Variants in SEC22C observed in about 807,000 individuals in gnomAD.
SEC22C encodes the protein vesicle-trafficking protein SEC22c.
In SEC22C, 29 loss-of-function variants were observed where a neutral mutation model predicts 34.7. The observed-to-expected ratio is 0.84, with a 90% confidence interval of 0.62 to 1.14. The LOEUF (loss-of-function observed/expected upper bound fraction) is 1.14. Ranked by LOEUF, SEC22C falls within the 50% of genes most tolerant of loss-of-function variation. The pLI, the probability that SEC22C is intolerant of heterozygous loss-of-function variation, is 0.00. For synonymous variants in SEC22C, 117 were observed against 132.8 expected, an observed-to-expected ratio of 0.88 and a Z score of 0.82; for missense variants, 337 against 369.0, an observed-to-expected ratio of 0.91 and a Z score of 0.71.
At chr3:42,569,859 C>A (rs191888508) in intron 1 of SEC22C, among the ~76,000 whole-genome samples, 2 of 152,168 alleles carry the variant, frequency 1.3e-5, no homozygotes, top group Admixed American at 1.3e-4. Flanking sequence ...CAGGCCTGCA[C>A]CATTTCTGCT....
chr3:42,557,555 T>TC (rs1702599708), intron 5 of SEC22C, 23 bp downstream of exon 5: 3 of 1,206,204 alleles, frequency 2.5e-6, no homozygotes, highest in Non-Finnish European at 3.5e-6. Flanking sequence ...TTTAAACTGT[T>TC]TTAAAAAAAA....
chr3:42,567,971 C>T (rs1210164783), intron 2 of SEC22C, among the ~76,000 whole-genome samples: 1 of 152,074 alleles, frequency 6.6e-6, no homozygotes, highest in Admixed American at 6.5e-5. Context: ...GCTCAGGAGG[C>T]TGAAGCAGAA....
In SEC22C at chr3:42,552,334, C is replaced by T. The variant is rs2125692750; in HGVS notation, c.*914G>A. ...TAGTCATCATCATTAAAACAACAGG[C>T]ACTCAGCTCTACTGAAAAGGCTGAT... On this transcript the variant is annotated 3_prime_UTR_variant, in exon 7 of 7. Transcript: ENST00000264454. 1.0e-6 allele frequency: 1 copy of T among 985,338 alleles called. No homozygotes were observed. The highest frequency in any genetic ancestry group is 1.2e-6 in the Non-Finnish European group (1 of 829,888). 61.0% of individuals were successfully genotyped at this position (985,338 alleles called of 1,614,324 possible). A position where few individuals can be genotyped will look rare whatever the true frequency, so the allele number is the denominator to read the frequency against.
chr3:42,590,202 C>T (rs1222027484), intron 1 of SEC22C, among the ~76,000 whole-genome samples: 5 of 152,208 alleles, frequency 3.3e-5, no homozygotes, highest in African/African-American at 1.2e-4. Context: ...TTTTCCTGGC[C>T]TGCAGATTTG....
In SEC22C at chr3:42,553,302, T is replaced by C. The variant is rs771219627; in HGVS notation, c.858A>G (p.Ser286=). ...GAAGCTGCCTTGTTAGTATCTGATATGAAGACAGAAAAGCCACTCCTATGT... is the reference window on the plus strand; with the variant it reads ...GAAGCTGCCTTGTTAGTATCTGATACGAAGACAGAAAAGCCACTCCTATGT... ...LFHIGVAFLS[S]YQILTRQLQE... Residue 286 remains serine, a synonymous_variant, in exon 7 of 7, where the codon TCA becomes TCG. Coordinates refer to ENST00000264454, the MANE Select transcript of SEC22C (RefSeq NM_032970.4). 2.5e-6 allele frequency: 4 copies of C among 1,614,154 alleles called. No homozygotes were observed. Among genetic ancestry groups the C allele is most frequent in the South Asian group, 1.1e-5 (1 of 91,084 alleles).
chr3:42,563,403 A>G, intron 3 of SEC22C, 120 bp downstream of exon 3: 1 of 762,534 alleles, frequency 1.3e-6, no homozygotes, highest in East Asian at 2.6e-5. Flanking sequence ...TCTGTTCTTC[A>G]ATGACATGTT....
chr3:42,551,216 T>G lies in SEC22C; in HGVS notation c.*2032A>C. On this transcript the variant is annotated 3_prime_UTR_variant, in exon 7 of 7. Transcript: ENST00000264454. ...TAACTTCCCATTCTATTTCACCATC[T>G]CTTCAAAATTGTCTCCCAGAAAAAC... The G allele has an allele frequency of 1.0e-6, 1 of 985,428 alleles. No individual in the cohort carries two copies. The highest frequency in any genetic ancestry group is 1.2e-6 in the Non-Finnish European group (1 of 829,928). 61.0% of individuals were successfully genotyped at this position (985,428 alleles called of 1,614,324 possible).
intron 2 of SEC22C, chr3:42,564,161 C>A: frequency 3.2e-6 from 1 of 315,606 alleles, no homozygotes; most frequent in South Asian, 2.9e-5. Context: ...GCAAATAAGA[C>A]TGGCCTATAA....
chr3:42,561,296 T>C lies in SEC22C; in HGVS notation c.347A>G (p.Asp116Gly). Residue 116 changes from aspartate to glycine, a missense_variant and splice_region_variant, in exon 4 of 7, where the codon GAC becomes GGC. Coordinates refer to ENST00000264454, the MANE Select transcript of SEC22C (RefSeq NM_032970.4). ...ASRPYAFLEFDSIIQKVKWHF... is the reference protein window; with the variant it reads ...ASRPYAFLEFGSIIQKVKWHF... Reference sequence around the variant, plus strand: ...CCACTTCACTTTCTGAATGATGCTGTCTGCAAAAAGAGAGCAACACAAGTT... The same window carrying C: ...CCACTTCACTTTCTGAATGATGCTGCCTGCAAAAAGAGAGCAACACAAGTT... 2 of 1,613,868 alleles carry C rather than the reference T, an allele frequency of 1.2e-6. No individual in the cohort carries two copies. The highest frequency in any genetic ancestry group is 8.5e-7 in the Non-Finnish European group (1 of 1,179,844).
chr3:42,584,066 T>C (rs1042983892), upstream of SEC22C, among the ~76,000 whole-genome samples: 9 of 152,206 alleles, frequency 5.9e-5, no homozygotes, highest in African/African-American at 2.2e-4. Flanking sequence ...ATTGTGGGAC[T>C]TCTCAGCCTC....
chr3:42,578,072 A>C (rs898124460), intron 1 of SEC22C, among the ~76,000 whole-genome samples: 10 of 152,244 alleles, frequency 6.6e-5, no homozygotes, highest in Admixed American at 3.3e-4. Flanking sequence ...TTTATCCCAG[A>C]GAAATAAAAA....
chr3:42,551,576 G>A lies in SEC22C; in HGVS notation c.*1672C>T, dbSNP rs1228886981. On this transcript the variant is annotated 3_prime_UTR_variant, in exon 7 of 7. Transcript: ENST00000264454. ...TGGTCTCAAACTACTGGCCTCAACC[G>A]AGTCTCCTGCTTTGGCCTTCCAAAG... The A allele has an allele frequency of 1.6e-6, 1 of 617,274 alleles. No homozygotes were observed. The allele number at this position is 617,274 out of a possible 1,614,324, so 38.2% of individuals were successfully genotyped here. A position where few individuals can be genotyped will look rare whatever the true frequency, so the allele number is the denominator to read the frequency against.
At chr3:42,566,434 T>A (rs1040309914) in intron 2 of SEC22C, among the ~76,000 whole-genome samples, 1 of 152,114 alleles carries the variant, frequency 6.6e-6, no homozygotes, top group Non-Finnish European at 1.5e-5. Context: ...CCCAGCACTT[T>A]GGGAGGCCGA....
chr3:42,588,809 C>T (rs912426635), intron 1 of SEC22C, among the ~76,000 whole-genome samples: 2 of 152,082 alleles, frequency 1.3e-5, no homozygotes, highest in African/African-American at 4.8e-5. Flanking sequence ...CTGATGTTTC[C>T]TTTTCTGCCC....
In SEC22C at chr3:42,553,334, G is replaced by A. The variant is rs1295589873; in HGVS notation, c.826C>T (p.Leu276Phe). Residue 276 changes from leucine to phenylalanine, a missense_variant, in exon 7 of 7, where the codon CTT (leucine) becomes TTT (phenylalanine). Leu to Phe is a conservative substitution (Grantham distance 22). Coordinates refer to ENST00000264454, the MANE Select transcript of SEC22C (RefSeq NM_032970.4). ...LHGLRNLWQI[L>F]FHIGVAFLSS... is the part of the protein sequence containing the mutation. ...AGAAAAGCCACTCCTATGTGGAAAA[G>A]GATTTGCCAGAGGTTCCTCAGCCCG... 6.2e-7 allele frequency: 1 copy of A among 1,614,168 alleles called. No homozygotes were observed. Among genetic ancestry groups the A allele is most frequent in the South Asian group, 1.1e-5 (1 of 91,080 alleles).
At chr3:42,570,031 T>G (rs1430993135) in intron 1 of SEC22C, among the ~76,000 whole-genome samples, 1 of 152,214 alleles carries the variant, frequency 6.6e-6, no homozygotes, top group African/African-American at 2.4e-5. Context: ...CCACACATCG[T>G]ATTTCACAAA....
At chr3:42,598,967 A>ATATCTG (rs1422020494) in intron 1 of SEC22C, among the ~76,000 whole-genome samples, 2 of 151,218 alleles carry the variant, frequency 1.3e-5, no homozygotes, top group African/African-American at 2.4e-5. Flanking sequence ...AGATCTATAG[A>ATATCTG]TAGATTTTTT....
chr3:42,590,835 G>C, intron 1 of SEC22C: 1 of 1,553,276 alleles, frequency 6.4e-7, no homozygotes, highest in Non-Finnish European at 8.9e-7. Flanking sequence ...AACTTCGAGA[G>C]CGTAGGCCCC....
rs529950161 is a variant in SEC22C at position 42,596,201 on chromosome 3, T to C, written c.-28+4759A>G. On this transcript the variant is annotated intron_variant, in intron 1 of 6. Coordinates refer to the SEC22C transcript ENST00000417572. ...CATGCCTGGCTAATTTTGGTATTTT[T>C]AGTAGAGACGGGGTTTCTCCATGTT... is the stretch of plus-strand genomic sequence containing the variant. 2.4e-4 allele frequency among the ~76,000 whole-genome samples: 37 copies of C among 152,294 alleles called. No homozygotes were observed. The Middle Eastern group carries it at 0.014, about 56-fold the overall frequency.
Sources: allele counts gnomAD v4.1 joint callset (sites outside exome capture counted in the v4.1 genomes callset), GRCh38; gene constraint gnomAD v4.1.1; transcripts MANE v1.5; gene names NCBI Gene and HGNC (gene_info 2026-07-23, HGNC 2026-07-21).